The following KCNAB2 variants were observed in gnomAD, a reference collection of about 807,000 sequenced individuals.
KCNAB2 encodes the protein voltage-gated potassium channel subunit beta-2.
KCNAB2 carries 29 observed loss-of-function variants against 63.6 expected under a neutral mutation model. That is an observed-to-expected ratio of 0.46 (90% CI 0.34 to 0.62). The LOEUF is 0.62. KCNAB2 is among the 20% of genes least tolerant of loss of function. The probability of loss-of-function intolerance (pLI) is 0.01; values close to 1 mark genes in which losing one functional copy is unlikely to be tolerated. For missense variants in KCNAB2, 359 were observed against 563.9 expected (o/e 0.64, Z 3.68); for synonymous variants, 222 against 224.2 (o/e 0.99, Z 0.09).
intron 1 of KCNAB2, among the ~76,000 whole-genome samples, chr1:6,013,991 C>A (rs557350896): frequency 6.6e-6 from 1 of 152,312 alleles, no homozygotes; most frequent in Non-Finnish European, 1.5e-5. Context: ...CCAAGGCAGG[C>A]CAGCTTTACC....
chr1:6,099,622 T>TGG lies in KCNAB2; in HGVS notation c.*1049_*1050dup. On this transcript the variant is annotated 3_prime_UTR_variant, in exon 16 of 16. Transcript: ENST00000378083. ...CCCAGGCCGCTGCTCTGCACCGAGC[T>TGG]GGTGGGCTTGGGTTTTGTGGAGCGC... 1 of 829,018 alleles carries TGG rather than the reference T, an allele frequency of 1.2e-6. No homozygotes were observed. Among genetic ancestry groups the TGG allele is most frequent in the Non-Finnish European group, 1.8e-6 (1 of 563,502 alleles). 51.4% of individuals were successfully genotyped at this position (829,018 alleles called of 1,614,324 possible).
At chr1:6,005,339 A>G (rs111294225) in intron 1 of KCNAB2, among the ~76,000 whole-genome samples, 39 of 336 alleles carry the variant, frequency 0.12, 13 homozygotes, top group African/African-American at 0.22. Flanking sequence ...GGGTGAGGGT[A>G]GAGTGGGGGG....
chr1:6,041,792 C>A, upstream of KCNAB2: 1 of 1,583,894 alleles, frequency 6.3e-7, no homozygotes, highest in African/African-American at 1.3e-5. Flanking sequence ...CTCTTCTCTC[C>A]CTTTCTCCTT....
chr1:6,096,247 G>A lies in KCNAB2; in HGVS notation c.949-389G>A, dbSNP rs112630716. 1.9e-4 allele frequency: 82 copies of A among 432,226 alleles called. No individual in the cohort carries two copies. Among genetic ancestry groups the A allele is most frequent in the African/African-American group, 1.4e-3 (68 of 49,362 alleles). The allele number at this position is 432,226 out of a possible 1,614,324, so 26.8% of individuals were successfully genotyped here. Reference sequence around the variant, plus strand: ...GGAGGCCCTGCAATCCTCTGGGGGGGATGGCCAGGGGAGAGAGCACTCCCC... The same window carrying A: ...GGAGGCCCTGCAATCCTCTGGGGGGAATGGCCAGGGGAGAGAGCACTCCCC... On this transcript the variant is annotated intron_variant, in intron 13 of 15. Coordinates refer to ENST00000378083, the MANE Select transcript of KCNAB2 (RefSeq NM_001199862.2). This position sits in a 1 kb window ranked among gnomAD's most constrained non-coding sequence, Gnocchi z 5.9.
At position 6,003,162 on chromosome 1, in the gene KCNAB2, A is replaced by G. The variant is rs954230895; in HGVS notation, c.-53+10374A>G. On this transcript the variant is annotated intron_variant, in intron 1 of 16. Transcript: ENST00000341524. This position sits in a 1 kb window ranked among gnomAD's most constrained non-coding sequence, Gnocchi z 4.1. ...AGTCACCAGGGTGCCAGGTAAAGGG[A>G]AACCACATGGGGGCGAGGCCAGCGC... 2.6e-5 allele frequency among the ~76,000 whole-genome samples: 4 copies of G among 152,126 alleles called. No individual in the cohort carries two copies. The highest frequency in any genetic ancestry group is 9.7e-5 in the African/African-American group (4 of 41,442).
intron 4 of KCNAB2, among the ~76,000 whole-genome samples, chr1:6,081,815 G>A (rs548775058): frequency 2.6e-5 from 4 of 152,248 alleles, no homozygotes; most frequent in East Asian, 1.9e-4. Flanking sequence ...ATTGAAGAAG[G>A]CCCTATTCCC....
chr1:6,019,227 G>A (rs1658681841), intron 1 of KCNAB2, among the ~76,000 whole-genome samples: 1 of 152,220 alleles, frequency 6.6e-6, no homozygotes, highest in African/African-American at 2.4e-5. Flanking sequence ...AGGAGTTCAA[G>A]GCTGCAGTGA....
chr1:6,057,662 G>A (rs1661954667), intron 2 of KCNAB2, among the ~76,000 whole-genome samples: 1 of 152,286 alleles, frequency 6.6e-6, no homozygotes, highest in African/African-American at 2.4e-5. Context: ...AAGTCCAACG[G>A]CCAGGTGCAG....
intron 15 of KCNAB2, 124 bp downstream of exon 15, chr1:6,097,481 C>A: frequency 6.6e-7 from 1 of 1,506,376 alleles, no homozygotes; most frequent in Non-Finnish European, 8.9e-7. Context: ...GCCCGTGAAC[C>A]ATCAGAGTTG....
At chr1:6,031,478 C>T (rs982590862), upstream of KCNAB2, among the ~76,000 whole-genome samples, 15 of 152,216 alleles carry the variant, frequency 9.9e-5, no homozygotes, top group African/African-American at 2.2e-4. This position sits in a 1 kb window ranked among gnomAD's most constrained non-coding sequence, Gnocchi z 4.1. Context: ...GAGAGGCCCT[C>T]GCCTTGGTTG....
rs1308074464 is a variant in KCNAB2, at chr1:6,074,068, C to G, written c.300+298C>G. ...ATTTCCCACACGCGTGACCCCCATTCCACAGTTAACGAGGAGAATTCAGGG... is the reference window on the plus strand; with the variant it reads ...ATTTCCCACACGCGTGACCCCCATTGCACAGTTAACGAGGAGAATTCAGGG... On this transcript the variant is annotated intron_variant, in intron 4 of 15. Transcript: ENST00000378083. The surrounding 1 kb of genome is among the most constrained non-coding windows in gnomAD (Gnocchi z 4.9). Among the ~76,000 whole-genome samples the G allele has an allele frequency of 2.6e-5, 4 of 152,232 alleles. No homozygotes were observed. Among genetic ancestry groups the G allele is most frequent in the Non-Finnish European group, 4.4e-5 (3 of 68,036 alleles).
chr1:6,049,507 C>A (rs1477129116), intron 1 of KCNAB2, among the ~76,000 whole-genome samples: 5 of 152,210 alleles, frequency 3.3e-5, no homozygotes, highest in Non-Finnish European at 5.9e-5. Context: ...GCAGCCCCCC[C>A]ACCCCCGGGA....
intron 1 of KCNAB2, among the ~76,000 whole-genome samples, chr1:6,046,862 A>G (rs1392529246): frequency 6.6e-6 from 1 of 152,176 alleles, no homozygotes; most frequent in Non-Finnish European, 1.5e-5. Flanking sequence ...GGCTTTCAGT[A>G]AACAGAACAA....
intron 2 of KCNAB2, 111 bp from the exon 3 acceptor site, chr1:6,072,642 AAC>A: frequency 3.3e-6 from 4 of 1,200,398 alleles, no homozygotes; most frequent in Admixed American, 1.8e-5. Context: ...GGAGCCTCCA[AAC>A]ACACATTGAC....
At chr1:6,084,706 CT>C (rs1379059124) in intron 5 of KCNAB2, among the ~76,000 whole-genome samples, 2 of 151,560 alleles carry the variant, frequency 1.3e-5, no homozygotes, top group Non-Finnish European at 2.9e-5. Flanking sequence ...GTCCCAGCTA[CT>C]TGGGAGGCTG....
At chr1:6,033,878 A>G (rs1659829059), upstream of KCNAB2, among the ~76,000 whole-genome samples, 1 of 152,188 alleles carries the variant, frequency 6.6e-6, no homozygotes. Flanking sequence ...CAGTTTCTCC[A>G]AATCTAAATC....
chr1:6,042,937 G>A (rs1274116818), upstream of KCNAB2, among the ~76,000 whole-genome samples: 4 of 147,922 alleles, frequency 2.7e-5, no homozygotes, highest in Non-Finnish European at 5.9e-5. Context: ...GTGCCTCCTC[G>A]GAGGTCCTGC....
chr1:6,061,565 C>G (rs1393534969), intron 2 of KCNAB2, among the ~76,000 whole-genome samples: 1 of 152,198 alleles, frequency 6.6e-6, no homozygotes, highest in Non-Finnish European at 1.5e-5. Flanking sequence ...GCATCCGTGG[C>G]CTCTGCCTAC....
intron 1 of KCNAB2, among the ~76,000 whole-genome samples, chr1:6,036,224 C>T (rs767534801): frequency 2.0e-5 from 3 of 152,122 alleles, no homozygotes; most frequent in Non-Finnish European, 2.9e-5. Context: ...TTTTTTAGGC[C>T]GAGTGAGGTG....
Sources: allele counts gnomAD v4.1 joint callset (sites outside exome capture counted in the v4.1 genomes callset), GRCh38; gene constraint gnomAD v4.1.1; non-coding constraint Gnocchi (gnomAD v3.1); transcripts MANE v1.5; gene names NCBI Gene and HGNC (gene_info 2026-07-23, HGNC 2026-07-21).